Variants in RYR3 observed in about 807,000 individuals in gnomAD.
The protein encoded by RYR3 is ryanodine receptor 3.
A neutral mutation model predicts 584.3 loss-of-function variants in RYR3; 207 were observed. That is an observed-to-expected ratio of 0.35 (90% CI 0.32 to 0.40). The LOEUF is 0.40. Among genes scored for constraint, RYR3 ranks in the 10% least tolerant of loss-of-function variants. The probability of loss-of-function intolerance (pLI) is 1.00; values close to 1 mark genes in which losing one functional copy is unlikely to be tolerated. For synonymous variants in RYR3, 2,416 were observed against 2,248.5 expected (o/e 1.07, Z -2.11); for missense variants, 5,616 against 6,089.2 (o/e 0.92, Z 2.59).
intron 48 of RYR3, among the ~76,000 whole-genome samples, chr15:33,735,873 C>T (rs958128547): frequency 2.3e-4 from 35 of 152,330 alleles, no homozygotes; most frequent in South Asian, 8.3e-4. Flanking sequence ...GCCAGTTTCT[C>T]CCTCTGCAGA....
intron 18 of RYR3, among the ~76,000 whole-genome samples, chr15:33,608,497 C>G (rs1472213615): frequency 6.6e-6 from 1 of 152,208 alleles, no homozygotes. Context: ...ACTCTTCATA[C>G]TACTCACATT....
intron 49 of RYR3, 39 bp downstream of exon 49, chr15:33,736,364 A>C: frequency 7.1e-7 from 1 of 1,405,894 alleles, no homozygotes; most frequent in Non-Finnish European, 1.0e-6. Context: ...AGTCTATTGC[A>C]CAGGAAACTT....
At chr15:33,510,593 ATTTT>A in intron 3 of RYR3, among the ~76,000 whole-genome samples, 1 of 140,836 alleles carries the variant, frequency 7.1e-6, no homozygotes, top group Non-Finnish European at 1.6e-5. Context: ...CATAATTTTA[ATTTT>A]TTTTTTTTTT....
chr15:33,580,919 C>G (rs2058557315), intron 13 of RYR3, among the ~76,000 whole-genome samples: 1 of 152,188 alleles, frequency 6.6e-6, no homozygotes, highest in Non-Finnish European at 1.5e-5. Flanking sequence ...CCATCTCCCT[C>G]CCATGCGCTA....
At position 33,800,704 on chromosome 15, in the gene RYR3, T is replaced by A. The variant is rs536037618; in HGVS notation, c.9831-66T>A. On this transcript the variant is annotated intron_variant, in intron 67 of 103. Transcript: ENST00000634891. ...GTATGTCTCCAGTGCTGGTATAATT[T>A]TTAGAGTGTGAATATTTTAATCTCT... is the stretch of plus-strand genomic sequence containing the variant. 45 of 1,154,010 alleles carry A rather than the reference T, an allele frequency of 3.9e-5. No individual in the cohort carries two copies. In the East Asian group the frequency reaches 1.0e-3, roughly 27 times the overall value. The allele number at this position is 1,154,010 out of a possible 1,614,324, so 71.5% of individuals were successfully genotyped here.
intron 70 of RYR3, 113 bp downstream of exon 70, chr15:33,807,682 C>A: frequency 1.9e-6 from 2 of 1,067,576 alleles, no homozygotes; most frequent in South Asian, 1.4e-5. Context: ...ATTTTCCCGC[C>A]TGGAGGTCCC....
chr15:33,791,907 TAGG>T (rs1473876122), intron 67 of RYR3, among the ~76,000 whole-genome samples: 1 of 151,416 alleles, frequency 6.6e-6, no homozygotes, highest in Non-Finnish European at 1.5e-5. Context: ...GGGTACTAGA[TAGG>T]AGGAAGGTAG....
chr15:33,652,856 T>C lies in RYR3; in HGVS notation c.4281T>C (p.Asn1427=), dbSNP rs1447541468. ...TGGGCATGTTGTCCTTCTCAGCCAA[T>C]GGAAAGGAACTGGGCACCTGCTACC... ...LAMGMLSFSA[N]GKELGTCYQV... is the part of the protein sequence containing the mutation. The change falls in exon 32 of 104, where the codon AAT becomes AAC. Residue 1427 remains asparagine, a synonymous_variant. Coordinates refer to ENST00000634891, the MANE Select transcript of RYR3 (RefSeq NM_001036.6). 4.3e-6 allele frequency: 7 copies of C among 1,612,972 alleles called. No individual in the cohort carries two copies. In the South Asian group the frequency reaches 7.7e-5, roughly 18 times the overall value.
chr15:33,708,352 G>C (rs564682908), intron 43 of RYR3, among the ~76,000 whole-genome samples: 23 of 152,274 alleles, frequency 1.5e-4, no homozygotes, highest in African/African-American at 5.3e-4. Flanking sequence ...CACCTTCACA[G>C]TCAAGATCAA....
chr15:33,548,276 T>C, intron 9 of RYR3, 72 bp downstream of exon 9: 3 of 904,902 alleles, frequency 3.3e-6, no homozygotes, highest in Non-Finnish European at 5.2e-6. Context: ...TCTTAAATAT[T>C]TCATTCATTC....
intron 1 of RYR3, chr15:33,465,686 T>C: frequency 1.9e-6 from 1 of 518,844 alleles, no homozygotes; most frequent in South Asian, 1.4e-5. Flanking sequence ...AGGACAGCAG[T>C]GAGAAACAAG....
intron 3 of RYR3, among the ~76,000 whole-genome samples, chr15:33,518,775 C>T (rs1314725291): frequency 6.6e-6 from 1 of 152,192 alleles, no homozygotes; most frequent in Non-Finnish European, 1.5e-5. Context: ...CTAAGCTAGC[C>T]TCTGAAAGGT....
In RYR3 at chr15:33,756,369, C is replaced by T; in HGVS notation, c.8579C>T (p.Ala2860Val). The change falls in exon 59 of 104, where the codon GCC becomes GTC. Residue 2860 changes from alanine (A) to valine (V), a missense_variant. Ala to Val is a moderately conservative substitution (Grantham distance 64). Around this residue, in one of 9 missense-constraint regions of RYR3, gnomAD observed 1,280 missense variants for 1,426.2 expected, o/e 0.90. Coordinates refer to ENST00000634891, the MANE Select transcript of RYR3 (RefSeq NM_001036.6). ...SPRDQEIKFF[A>V]KVLLPLVDQY... Reference sequence around the variant, plus strand: ...CGTGACCAGGAGATCAAATTCTTTGCCAAAGTAAGTGGCCCTGCACTTAAT... The same window carrying T: ...CGTGACCAGGAGATCAAATTCTTTGTCAAAGTAAGTGGCCCTGCACTTAAT... 1.3e-6 allele frequency: 2 copies of T among 1,571,926 alleles called. No homozygotes were observed. Among genetic ancestry groups the T allele is most frequent in the South Asian group, 1.2e-5 (1 of 85,330 alleles).
intron 38 of RYR3, among the ~76,000 whole-genome samples, chr15:33,671,236 C>G (rs1375475565): frequency 1.3e-5 from 2 of 152,140 alleles, no homozygotes; most frequent in African/African-American, 4.8e-5. Context: ...ATTGTCTTGT[C>G]TGAGTATTAT....
intron 2 of RYR3, among the ~76,000 whole-genome samples, chr15:33,494,221 C>T (rs1388703966): frequency 6.6e-6 from 1 of 152,136 alleles, no homozygotes; most frequent in Non-Finnish European, 1.5e-5. Flanking sequence ...GCCTCCCTTA[C>T]ATAAGAAAAG....
chr15:33,380,370 G>A (rs1322461772), intron 1 of RYR3, among the ~76,000 whole-genome samples: 2 of 152,190 alleles, frequency 1.3e-5, no homozygotes, highest in East Asian at 3.8e-4. Context: ...GGATAGTTAG[G>A]TAAATGCCTA....
chr15:33,346,188 C>T (rs1194650256), intron 1 of RYR3, among the ~76,000 whole-genome samples: 2 of 152,104 alleles, frequency 1.3e-5, no homozygotes, highest in Admixed American at 6.6e-5. Flanking sequence ...TAGAGAAATA[C>T]AACACTAGAT....
intron 1 of RYR3, among the ~76,000 whole-genome samples, chr15:33,351,554 A>G (rs1490252852): frequency 7.3e-5 from 11 of 151,600 alleles, no homozygotes; most frequent in Non-Finnish European, 1.5e-4. Flanking sequence ...CAAAAAGCTT[A>G]TCCACCATGA....
chr15:33,637,112 A>C (rs1001700345), intron 27 of RYR3, among the ~76,000 whole-genome samples: 2 of 152,214 alleles, frequency 1.3e-5, no homozygotes, highest in African/African-American at 4.8e-5. Context: ...GACCACAGTC[A>C]GGGGCACGCT....
Sources: gnomAD v4.1 joint callset for allele counts (sites outside exome capture counted in the v4.1 genomes callset) on GRCh38, gnomAD v4.1.1 for gene constraint, gnomAD v4.1.1 regional missense constraint, MANE v1.5 for transcripts, NCBI Gene and HGNC (gene_info 2026-07-23, HGNC 2026-07-21) for gene names.